EPB41L4B: variants seen among roughly 807,000 people sequenced by gnomAD.
The protein encoded by EPB41L4B is erythrocyte membrane protein band 4.1 like 4B, also known as band 4.1-like protein 4B.
A neutral mutation model predicts 112.5 loss-of-function variants in EPB41L4B; 30 were observed. The ratio of observed to expected loss-of-function variants is 0.27; its 90% CI spans 0.20 to 0.36. The LOEUF is 0.36. Among genes scored for constraint, EPB41L4B ranks in the 10% least tolerant of loss-of-function variants. The pLI, the probability that EPB41L4B is intolerant of heterozygous loss-of-function variation, is 1.00. For synonymous variants in EPB41L4B, 408 were observed against 439.7 expected, an observed-to-expected ratio of 0.93 and a Z score of 0.90; for missense variants, 1,024 against 1,133.3, an observed-to-expected ratio of 0.90 and a Z score of 1.38.
chr9:109,290,074 G>A (rs1836467962), intron 1 of EPB41L4B, among the ~76,000 whole-genome samples: 1 of 152,164 alleles, frequency 6.6e-6, no homozygotes, highest in Non-Finnish European at 1.5e-5. Context: ...ACCCAGGCAT[G>A]ACTGCACACA....
chr9:109,240,577 T>G, intron 15 of EPB41L4B: 1 of 985,418 alleles, frequency 1.0e-6, no homozygotes, highest in Non-Finnish European at 1.2e-6. Flanking sequence ...ACTCAGGGCT[T>G]GAAATGGGGG....
intron 24 of EPB41L4B, 52 bp downstream of exon 24, chr9:109,182,677 C>T: frequency 7.3e-7 from 1 of 1,370,230 alleles, no homozygotes; most frequent in African/African-American, 1.4e-5. Context: ...GAAAAGCACA[C>T]CGCATGGGAA....
intron 14 of EPB41L4B, among the ~76,000 whole-genome samples, chr9:109,245,938 A>G (rs892037489): frequency 2.0e-5 from 3 of 152,210 alleles, no homozygotes; most frequent in Non-Finnish European, 4.4e-5. Context: ...CACAGTGAGA[A>G]CACACTACAG....
chr9:109,313,172 CTCTG>C (rs1422467702), intron 1 of EPB41L4B, among the ~76,000 whole-genome samples: 1 of 152,214 alleles, frequency 6.6e-6, no homozygotes, highest in Non-Finnish European at 1.5e-5. Context: ...TATCTGTTTA[CTCTG>C]TCTGCCCCTC....
chr9:109,246,591 A>T (rs1463082058), intron 14 of EPB41L4B, among the ~76,000 whole-genome samples: 1 of 152,252 alleles, frequency 6.6e-6, no homozygotes, highest in Non-Finnish European at 1.5e-5. Flanking sequence ...TGAGTTGAAC[A>T]TATGGAGCGT....
intron 1 of EPB41L4B, among the ~76,000 whole-genome samples, chr9:109,314,145 C>T (rs1317589792): frequency 6.6e-6 from 1 of 152,174 alleles, no homozygotes; most frequent in Non-Finnish European, 1.5e-5. Flanking sequence ...GGAGAAGGCT[C>T]CAGGCAGGGC....
chr9:109,244,558 T>G (rs1375552606), intron 14 of EPB41L4B, among the ~76,000 whole-genome samples: 1 of 148,122 alleles, frequency 6.8e-6, no homozygotes, highest in Admixed American at 6.8e-5. Flanking sequence ...CCTGCCTCAG[T>G]CTCCTGGGTA....
At chr9:109,237,259 C>A (rs948566638) in intron 15 of EPB41L4B, among the ~76,000 whole-genome samples, 2 of 152,112 alleles carry the variant, frequency 1.3e-5, no homozygotes, top group East Asian at 3.8e-4. Context: ...ACGAAATAGG[C>A]AAAAGGGTTT....
At chr9:109,311,024 C>T (rs372977777) in intron 1 of EPB41L4B, among the ~76,000 whole-genome samples, 44 of 151,958 alleles carry the variant, frequency 2.9e-4, no homozygotes, top group African/African-American at 1.0e-3. Flanking sequence ...GGTGGTTGCC[C>T]GGGGTTTGGG....
intron 15 of EPB41L4B, among the ~76,000 whole-genome samples, chr9:109,239,432 C>G (rs1834275736): frequency 6.6e-6 from 1 of 152,116 alleles, no homozygotes; most frequent in Non-Finnish European, 1.5e-5. Context: ...ACAGGACAGT[C>G]TGGGTTACAG....
chr9:109,291,569 G>C (rs1455811529), intron 1 of EPB41L4B, among the ~76,000 whole-genome samples: 1 of 152,200 alleles, frequency 6.6e-6, no homozygotes. Flanking sequence ...TGGTAAAACA[G>C]AGCACATGTT....
intron 17 of EPB41L4B, among the ~76,000 whole-genome samples, chr9:109,209,033 G>A (rs1225278404): frequency 6.6e-6 from 1 of 152,152 alleles, no homozygotes; most frequent in Non-Finnish European, 1.5e-5. Flanking sequence ...AGGACTAAAT[G>A]TGACATATCA....
chr9:109,200,758 T>C (rs544669180), intron 19 of EPB41L4B, among the ~76,000 whole-genome samples: 36 of 152,124 alleles, frequency 2.4e-4, no homozygotes, highest in African/African-American at 8.4e-4. Context: ...ATTTTAAACA[T>C]AGCACAGACT....
rs1834947074 is a variant in EPB41L4B, at chr9:109,255,571, G to A, written c.1109C>T (p.Pro370Leu). The change falls in exon 11 of 26, where the codon CCA becomes CTA. Residue 370 changes from proline (P) to leucine (L), a missense_variant. Transcript: ENST00000374566. ...GGATCTATTGGATTTGCTGTTTCCT[G>A]GCGTCCGCAGTCGGAAGAATGCGTG... is the stretch of plus-strand genomic sequence containing the variant. ...EHHAFFRLRT[P>L]GNSKSNRSDF... is the part of the protein sequence containing the mutation. 3.1e-6 allele frequency: 5 copies of A among 1,614,092 alleles called. No homozygotes were observed. In the South Asian group the frequency reaches 5.5e-5, roughly 18 times the overall value.
chr9:109,259,140 T>A (rs991382282), intron 6 of EPB41L4B, among the ~76,000 whole-genome samples: 2 of 152,154 alleles, frequency 1.3e-5, no homozygotes, highest in Non-Finnish European at 2.9e-5. Flanking sequence ...AGTACTGCCA[T>A]CCCCTGGGAG....
At chr9:109,285,213 A>G (rs1185863736) in intron 1 of EPB41L4B, among the ~76,000 whole-genome samples, 2 of 152,358 alleles carry the variant, frequency 1.3e-5, no homozygotes, top group East Asian at 3.9e-4. Context: ...TAACTGAACC[A>G]TCACAGCTCT....
intron 15 of EPB41L4B, among the ~76,000 whole-genome samples, chr9:109,227,089 T>C (rs1034766863): frequency 5.9e-5 from 9 of 151,956 alleles, no homozygotes; most frequent in Non-Finnish European, 1.3e-4. Context: ...TCCTCCCACT[T>C]CTCATCCTAA....
chr9:109,223,434 C>A (rs371768321), intron 15 of EPB41L4B, among the ~76,000 whole-genome samples: 66 of 129,202 alleles, frequency 5.1e-4, no homozygotes, highest in South Asian at 7.7e-4. Context: ...GACCCTGTCT[C>A]AAAAAAAAAA....
intron 17 of EPB41L4B, among the ~76,000 whole-genome samples, chr9:109,209,142 C>G (rs1833076297): frequency 6.6e-6 from 1 of 152,118 alleles, no homozygotes; most frequent in African/African-American, 2.4e-5. Context: ...TCCTACTGAG[C>G]ATGTTGGTAC....
Sources: allele counts gnomAD v4.1 joint callset (sites outside exome capture counted in the v4.1 genomes callset), GRCh38; gene constraint gnomAD v4.1.1; transcripts MANE v1.5; gene names NCBI Gene and HGNC (gene_info 2026-07-23, HGNC 2026-07-21).